Variants in KANK1 observed in about 807,000 individuals in gnomAD.
KANK1 encodes KN motif and ankyrin repeat domains 1.
KANK1 carries 109 observed loss-of-function variants against 106.2 expected under a neutral mutation model. That is an observed-to-expected ratio of 1.03 (90% CI 0.88 to 1.20). The LOEUF (loss-of-function observed/expected upper bound fraction) is 1.20, where lower values mean the gene tolerates loss of function less well. Among genes scored for constraint, KANK1 ranks in the 50% most tolerant of loss-of-function variants. The pLI is 0.00. For synonymous variants in KANK1, 873 were observed against 652.2 expected (o/e 1.34, Z -5.16); for missense variants, 2,399 against 1,710.7 (o/e 1.40, Z -7.10).
chr9:592,097 C>T (rs947358917), intron 1 of KANK1, among the ~76,000 whole-genome samples: 1 of 151,732 alleles, frequency 6.6e-6, no homozygotes, highest in African/African-American at 2.4e-5. Context: ...GGAGATCGGT[C>T]AGGGTGGTGG....
chr9:609,613 A>G (rs780804383), intron 1 of KANK1, among the ~76,000 whole-genome samples: 2 of 152,152 alleles, frequency 1.3e-5, no homozygotes, highest in African/African-American at 2.4e-5. Flanking sequence ...CTGGGTGACA[A>G]GAGTGAGACG....
chr9:698,278 AAC>A (rs1481914437), intron 2 of KANK1, among the ~76,000 whole-genome samples: 1 of 152,028 alleles, frequency 6.6e-6, no homozygotes, highest in Admixed American at 6.6e-5. Flanking sequence ...TAGAGTTTCA[AAC>A]ACAGAGCGAG....
At chr9:574,628 G>A (rs568611658) in intron 1 of KANK1, among the ~76,000 whole-genome samples, 21 of 152,062 alleles carry the variant, frequency 1.4e-4, no homozygotes, top group African/African-American at 5.1e-4. Flanking sequence ...AGGCTGAGGC[G>A]GGTGGATCCT....
chr9:661,222 C>T (rs1220575500), intron 1 of KANK1, among the ~76,000 whole-genome samples: 1 of 151,838 alleles, frequency 6.6e-6, no homozygotes, highest in African/African-American at 2.4e-5. Context: ...TGTGCTGTAC[C>T]CATTAGCTCG....
intron 1 of KANK1, among the ~76,000 whole-genome samples, chr9:507,133 CTTTT>C (rs60184146): frequency 7.3e-6 from 1 of 136,618 alleles, no homozygotes; most frequent in Non-Finnish European, 1.6e-5. Context: ...CTTATGCCAT[CTTTT>C]TTTTTTTTTT....
At position 510,326 on chromosome 9, in the gene KANK1, A is replaced by G. The variant is rs190109359; in HGVS notation, c.-84+5572A>G. 1.1e-4 allele frequency among the ~76,000 whole-genome samples: 16 copies of G among 152,322 alleles called. No homozygotes were observed. The East Asian group carries it at 1.9e-3, about 18-fold the overall frequency. ...TATTGAGCCAAGAGCTTGAAAGGAT[A>G]TAAGAAGGATCATACCATTAAGTAG... On this transcript the variant is annotated intron_variant, in intron 1 of 11. Coordinates refer to ENST00000382297, the MANE Select transcript of KANK1 (RefSeq NM_015158.5).
At chr9:699,094 C>T (rs1822015865) in intron 2 of KANK1, among the ~76,000 whole-genome samples, 1 of 152,220 alleles carries the variant, frequency 6.6e-6, no homozygotes, top group Admixed American at 6.5e-5. Flanking sequence ...TCCCTCCACA[C>T]ATCCCCACCA....
intron 1 of KANK1, among the ~76,000 whole-genome samples, chr9:635,265 C>T (rs1836807679): frequency 3.3e-5 from 5 of 152,126 alleles, no homozygotes; most frequent in Admixed American, 3.3e-4. Flanking sequence ...TTTAGGTACC[C>T]AGCCCCCCAG....
In KANK1 at chr9:740,854, G is replaced by A. The variant is rs779819624; in HGVS notation, c.3616G>A (p.Ala1206Thr). ...CACCCCCATCATGTTGGCGGCCCTC[G>A]CCGCTGTGGAAGCAGAGAAGGACAT... is the stretch of plus-strand genomic sequence containing the variant. The part of the protein sequence containing the change: ...GYTPIMLAAL[A>T]AVEAEKDMRI... Residue 1206 changes from alanine (A) to threonine (T), a missense_variant, in exon 9 of 12, where the codon GCC becomes ACC. Ala to Thr is a moderately conservative substitution (Grantham distance 58, BLOSUM62 0). Coordinates refer to ENST00000382297, the MANE Select transcript of KANK1 (RefSeq NM_015158.5). 7.4e-6 allele frequency: 12 copies of A among 1,613,360 alleles called. No individual in the cohort carries two copies. Among genetic ancestry groups the A allele is most frequent in the South Asian group, 2.2e-5 (2 of 91,050 alleles).
At chr9:641,016 T>C (rs1196447462) in intron 1 of KANK1, among the ~76,000 whole-genome samples, 3 of 152,190 alleles carry the variant, frequency 2.0e-5, no homozygotes, top group Non-Finnish European at 4.4e-5. Context: ...AATGTCTGTG[T>C]TGCAGTGAAA....
intron 1 of KANK1, among the ~76,000 whole-genome samples, chr9:635,694 CTTTTTTTTTTTTT>C (rs1162836319): frequency 9.7e-6 from 1 of 103,374 alleles, no homozygotes; most frequent in African/African-American, 3.8e-5. Context: ...CCTTTTTATT[CTTTTTTTTTTTTT>C]TTTTTTTTTG....
In KANK1 at chr9:712,987, T is replaced by A. The variant is rs1469736480; in HGVS notation, c.2221T>A (p.Leu741Met). Reference protein sequence around the residue: ...TKTRSIGVGTLLSGHSGFDRP... With the variant: ...TKTRSIGVGTMLSGHSGFDRP... ...GACGCGGTCCATTGGTGTTGGAACG[T>A]TGCTTTCTGGCCATTCTGGGTTTGA... Residue 741 changes from leucine (L) to methionine (M), a missense_variant, in exon 3 of 12, where the codon TTG (leucine) becomes ATG (methionine). Coordinates refer to ENST00000382297, the MANE Select transcript of KANK1 (RefSeq NM_015158.5). The A allele has an allele frequency of 3.7e-6, 6 of 1,614,196 alleles. No individual in the cohort carries two copies. The highest frequency in any genetic ancestry group is 3.3e-4 in the Middle Eastern group (2 of 6,062).
At chr9:575,783 A>C (rs1820392976) in intron 1 of KANK1, among the ~76,000 whole-genome samples, 1 of 152,228 alleles carries the variant, frequency 6.6e-6, no homozygotes, top group African/African-American at 2.4e-5. Context: ...GCACTTTGGG[A>C]GGCCAAGGCG....
At chr9:588,992 A>C (rs1824187827) in intron 1 of KANK1, among the ~76,000 whole-genome samples, 1 of 152,206 alleles carries the variant, frequency 6.6e-6, no homozygotes, top group African/African-American at 2.4e-5. Flanking sequence ...ATCACAGTAG[A>C]AACTAAAGTG....
rs374317364 is a variant in KANK1 at position 518,391 on chromosome 9, C to T, written c.-84+13637C>T. ...CGAGCCTCCCCTTCTCCCTCCTTGA[C>T]CCCCAGTGGCCCAGGGCAGTTTTTA... On this transcript the variant is annotated intron_variant, in intron 1 of 11. Coordinates refer to ENST00000382297, the MANE Select transcript of KANK1 (RefSeq NM_015158.5). Among the ~76,000 whole-genome samples, 42 of 151,722 alleles carry T rather than the reference C, an allele frequency of 2.8e-4. 1 individual carries two copies. The highest frequency in any genetic ancestry group is 8.5e-4 in the African/African-American group (35 of 41,020).
rs764421605 is a variant in KANK1, at chr9:713,208, A to G, written c.2442A>G (p.Gln814=). The change falls in exon 3 of 12, where the codon CAA becomes CAG. Residue 814 remains glutamine (Q), a synonymous_variant. Transcript: ENST00000382297. Reference sequence around the variant, plus strand: ...AATCTCTGGAGAACCCCCAGCCTCAAGCTCCACTTGGAATGATGACTGGCC... The same window carrying G: ...AATCTCTGGAGAACCCCCAGCCTCAGGCTCCACTTGGAATGATGACTGGCC... ...VGESLENPQP[Q]APLGMMTGLD... 5 of 1,590,566 alleles carry G rather than the reference A, an allele frequency of 3.1e-6. No individual in the cohort carries two copies. In the Admixed American group the frequency reaches 6.9e-5, roughly 22 times the overall value.
At chr9:675,863 C>G (rs1476441958) in intron 1 of KANK1, among the ~76,000 whole-genome samples, 1 of 152,174 alleles carries the variant, frequency 6.6e-6, no homozygotes, top group Non-Finnish European at 1.5e-5. Context: ...TGATGCTAAA[C>G]AAGAGGTGGA....
intron 1 of KANK1, among the ~76,000 whole-genome samples, chr9:636,347 C>A (rs1422432683): frequency 1.3e-5 from 2 of 152,194 alleles, no homozygotes; most frequent in Non-Finnish European, 2.9e-5. Context: ...ATTAGCACTG[C>A]TGATCATGCA....
At chr9:702,027 T>C (rs1337715327) in intron 2 of KANK1, among the ~76,000 whole-genome samples, 2 of 152,204 alleles carry the variant, frequency 1.3e-5, no homozygotes, top group Non-Finnish European at 2.9e-5. Context: ...AATATATAAA[T>C]AAGGAGCAGA....
Sources: gnomAD v4.1 joint callset for allele counts (sites outside exome capture counted in the v4.1 genomes callset) on GRCh38, gnomAD v4.1.1 for gene constraint, MANE v1.5 for transcripts, NCBI Gene and HGNC (gene_info 2026-07-23, HGNC 2026-07-21) for gene names.